The following SLFN12L variants were observed in gnomAD, a reference collection of about 807,000 sequenced individuals.
SLFN12L encodes the protein schlafen family member 12-like.
In SLFN12L, 34 loss-of-function variants were observed where a neutral mutation model predicts 34.8. That is an observed-to-expected ratio of 0.98 (90% CI 0.74 to 1.30). The LOEUF (loss-of-function observed/expected upper bound fraction) is 1.30, where lower values mean the gene tolerates loss of function less well. SLFN12L is among the 50% of genes most tolerant of loss of function. The pLI is 0.00. For synonymous variants in SLFN12L, 259 were observed against 247.5 expected, an observed-to-expected ratio of 1.05 and a Z score of -0.44; for missense variants, 703 against 696.2, an observed-to-expected ratio of 1.01 and a Z score of -0.11.
chr17:35,490,091 C>T (rs1914772408), intron 2 of SLFN12L: 1 of 1,606,628 alleles, frequency 6.2e-7, no homozygotes, highest in Non-Finnish European at 8.5e-7. Context: ...CCCCCTCCTC[C>T]CCAGTGCCCC....
rs753684564 is a variant in SLFN12L, at chr17:35,480,020, G to C, written c.262C>G (p.Arg88Gly). The change falls in exon 3 of 5, where the codon CGA becomes GGA. Residue 88 changes from arginine (R) to glycine (G), a missense_variant. Transcript: ENST00000628453. ...GAATTCAGCAGAGCACACACAGCTC[G>C]TGAGACATTTTCATTCTGCTGTTTT... is the stretch of plus-strand genomic sequence containing the variant. ...LRKQQNENVS[R>G]AVCALLNSGG... is the part of the protein sequence containing the mutation. 1 of 1,614,076 alleles carries C rather than the reference G, an allele frequency of 6.2e-7. No individual in the cohort carries two copies. Among genetic ancestry groups the C allele is most frequent in the Non-Finnish European group, 8.5e-7 (1 of 1,180,026 alleles).
intron 2 of SLFN12L, among the ~76,000 whole-genome samples, chr17:35,491,498 G>A (rs1039916004): frequency 1.3e-5 from 2 of 152,244 alleles, no homozygotes; most frequent in African/African-American, 4.8e-5. Context: ...GGCTAGGTCA[G>A]CAAGTGAGAA....
chr17:35,479,242 A>G lies in SLFN12L; in HGVS notation c.1040T>C (p.Leu347Pro), dbSNP rs766917357. Reference sequence around the variant, plus strand: ...TGCACAGCAGAAGCGTTCCACTCTGAGTGCATACACATATCCACAAAGCCT... The same window carrying G: ...TGCACAGCAGAAGCGTTCCACTCTGGGTGCATACACATATCCACAAAGCCT... ...KGRLCGYVYA[L>P]RVERFCCAVF... Residue 347 changes from leucine to proline, a missense_variant, in exon 3 of 5, where the codon CTC (leucine) becomes CCC (proline). Physicochemically the swap from Leu to Pro is moderately conservative, Grantham distance 98. Transcript: ENST00000628453. 2 of 1,593,312 alleles carry G rather than the reference A, an allele frequency of 1.3e-6. No homozygotes were observed. The highest frequency in any genetic ancestry group is 1.7e-6 in the Non-Finnish European group (2 of 1,168,440).
At chr17:35,513,855 A>G (rs1915730981) in intron 2 of SLFN12L, among the ~76,000 whole-genome samples, 1 of 152,238 alleles carries the variant, frequency 6.6e-6, no homozygotes. Flanking sequence ...CAGAATCATA[A>G]TTTCAGTGAA....
At chr17:35,514,768 A>T (rs1915759416) in intron 2 of SLFN12L, 1 of 394,818 alleles carries the variant, frequency 2.5e-6, no homozygotes, top group African/African-American at 2.2e-5. Flanking sequence ...TTTGTTTCTC[A>T]TTCCACATCG....
intron 1 of SLFN12L, among the ~76,000 whole-genome samples, chr17:35,535,397 A>G (rs1174414222): frequency 1.3e-5 from 2 of 149,444 alleles, no homozygotes; most frequent in Non-Finnish European, 3.0e-5. Flanking sequence ...GGGTTTCTCC[A>G]CGTTGTTCAG....
At chr17:35,519,709 T>G (rs2142166732) in intron 2 of SLFN12L, among the ~76,000 whole-genome samples, 1 of 152,232 alleles carries the variant, frequency 6.6e-6, no homozygotes. Flanking sequence ...AAGGTTAATA[T>G]CCACATGATA....
intron 2 of SLFN12L, chr17:35,498,272 C>T: frequency 1.3e-6 from 1 of 787,236 alleles, no homozygotes; most frequent in Non-Finnish European, 2.3e-6. Flanking sequence ...ACCTCAAACG[C>T]TGGCAGTACG....
chr17:35,500,106 A>T (rs1277047485), intron 2 of SLFN12L: 1 of 152,222 alleles, frequency 6.6e-6, no homozygotes, highest in Non-Finnish European at 1.5e-5. Context: ...AATGATAAGG[A>T]TATCAAGAAT....
intron 2 of SLFN12L, chr17:35,498,308 A>G (rs1915169257): frequency 2.4e-6 from 2 of 837,552 alleles, no homozygotes; most frequent in Non-Finnish European, 2.1e-6. Context: ...CCCTGAAGCA[A>G]GGACTGCGGC....
At chr17:35,513,369 T>TA (rs112233709) in intron 2 of SLFN12L, among the ~76,000 whole-genome samples, 16,188 of 150,674 alleles carry the variant, frequency 0.11, 1,719 homozygotes, top group African/African-American at 0.27. Context: ...CACTATACCA[T>TA]AAAAAAAAAC....
At chr17:35,528,204 C>T (rs148977519) in intron 1 of SLFN12L, among the ~76,000 whole-genome samples, 1 of 151,950 alleles carries the variant, frequency 6.6e-6, no homozygotes, top group Non-Finnish European at 1.5e-5. Flanking sequence ...TAAGAGAGGA[C>T]ACAAATAAAT....
At chr17:35,490,167 G>T in intron 2 of SLFN12L, 1 of 1,606,698 alleles carries the variant, frequency 6.2e-7, no homozygotes, top group South Asian at 1.1e-5. Flanking sequence ...AGCAGAGCCG[G>T]GCTGCTGCAG....
chr17:35,512,240 C>T (rs1915669959), intron 2 of SLFN12L, among the ~76,000 whole-genome samples: 2 of 138,040 alleles, frequency 1.4e-5, no homozygotes, highest in Non-Finnish European at 3.1e-5. Context: ...CTGCAAGCTC[C>T]GCCTCCCGGG....
intron 2 of SLFN12L, among the ~76,000 whole-genome samples, chr17:35,520,452 T>C (rs1364116899): frequency 6.6e-6 from 1 of 152,228 alleles, no homozygotes; most frequent in East Asian, 1.9e-4. Flanking sequence ...TTATAAAGTT[T>C]AGTCTCTACT....
Position 35,479,995 on chromosome 17 carries a change from G to A in SLFN12L, c.287C>T (p.Ser96Phe). 1 of 1,614,070 alleles carries A rather than the reference G, an allele frequency of 6.2e-7. No homozygotes were observed. The highest frequency in any genetic ancestry group is 8.5e-7 in the Non-Finnish European group (1 of 1,180,012). Residue 96 changes from serine to phenylalanine, a missense_variant, in exon 3 of 5, where the codon TCT (serine) becomes TTT (phenylalanine). Ser to Phe is a radical substitution (Grantham distance 155, BLOSUM62 -2). Transcript: ENST00000628453. ...VSRAVCALLNSGGGVIKAEVE... is the reference protein window; with the variant it reads ...VSRAVCALLNFGGGVIKAEVE... The stretch of plus-strand genomic sequence containing the variant: ...TTCAGCCTTGATCACTCCCCCTCCA[G>A]AATTCAGCAGAGCACACACAGCTCG...
chr17:35,534,412 C>T (rs2072439701), intron 1 of SLFN12L, among the ~76,000 whole-genome samples: 1 of 152,162 alleles, frequency 6.6e-6, no homozygotes, highest in African/African-American at 2.4e-5. Flanking sequence ...AGCAGGAAGA[C>T]ACAGCATCAG....
rs962966780 is a variant in SLFN12L, at chr17:35,498,106, A to T, written c.87-17911T>A. 4 of 589,692 alleles carry T rather than the reference A, an allele frequency of 6.8e-6. No homozygotes were observed. In the African/African-American group the frequency reaches 7.5e-5, roughly 11 times the overall value. The allele number at this position is 589,692 out of a possible 1,614,324, so 36.5% of individuals were successfully genotyped here. A position where few individuals can be genotyped will look rare whatever the true frequency, so the allele number is the denominator to read the frequency against. On this transcript the variant is annotated intron_variant, in intron 2 of 4. Transcript: ENST00000628453. ...GGCGGGGCGCGGGGCTCCAGGACACAGCTGAGCCGGCGGTCAGAGCGAGAC... is the reference window on the plus strand; with the variant it reads ...GGCGGGGCGCGGGGCTCCAGGACACTGCTGAGCCGGCGGTCAGAGCGAGAC...
chr17:35,499,434 C>T (rs1033833196), intron 2 of SLFN12L, among the ~76,000 whole-genome samples: 2 of 152,160 alleles, frequency 1.3e-5, no homozygotes, highest in Admixed American at 6.5e-5. Context: ...TGGATAACAA[C>T]CCTAAGCCTA....
Sources: gnomAD v4.1 joint callset for allele counts (sites outside exome capture counted in the v4.1 genomes callset) on GRCh38, gnomAD v4.1.1 for gene constraint, MANE v1.5 for transcripts, NCBI Gene and HGNC (gene_info 2026-07-23, HGNC 2026-07-21) for gene names.